The following EYS variants were observed in gnomAD, a reference collection of about 807,000 sequenced individuals.
EYS encodes protein eyes shut homolog.
A neutral mutation model predicts 282.1 loss-of-function variants in EYS; 250 were observed. The ratio of observed to expected loss-of-function variants is 0.89; its 90% CI spans 0.80 to 0.98. The LOEUF (loss-of-function observed/expected upper bound fraction) is 0.98, where lower values mean the gene tolerates loss of function less well. Among genes scored for constraint, EYS ranks in the 50% least tolerant of loss-of-function variants. EYS has a pLI of 0.00. For synonymous variants in EYS, 1,355 were observed against 1,282.9 expected (o/e 1.06, Z -1.20); for missense variants, 4,016 against 3,709.0 (o/e 1.08, Z -2.15).
At chr6:63,950,970 C>A (rs1412154540) in intron 35 of EYS, among the ~76,000 whole-genome samples, 1 of 152,132 alleles carries the variant, frequency 6.6e-6, no homozygotes, top group East Asian at 1.9e-4. Flanking sequence ...GGGATGCCTG[C>A]TTGATTATTC....
intron 29 of EYS, among the ~76,000 whole-genome samples, chr6:64,323,710 A>T (rs952713489): frequency 6.6e-6 from 1 of 152,112 alleles, no homozygotes; most frequent in Non-Finnish European, 1.5e-5. Flanking sequence ...AATTGAAAAC[A>T]TCCTAAATGT....
intron 12 of EYS, among the ~76,000 whole-genome samples, chr6:65,088,462 T>G (rs896453459): frequency 6.6e-6 from 1 of 152,218 alleles, no homozygotes; most frequent in African/African-American, 2.4e-5. Flanking sequence ...ACTCATGCTA[T>G]GCTTTAGCAA....
intron 31 of EYS, among the ~76,000 whole-genome samples, chr6:64,170,831 T>C (rs1034779459): frequency 5.9e-5 from 9 of 152,072 alleles, no homozygotes; most frequent in African/African-American, 1.7e-4. Context: ...GCATTTCACA[T>C]AGTACTTTCA....
intron 26 of EYS, among the ~76,000 whole-genome samples, chr6:64,518,419 G>C (rs893063049): frequency 6.6e-6 from 1 of 151,700 alleles, no homozygotes; most frequent in African/African-American, 2.4e-5. Context: ...CATACTCTGA[G>C]TCTATGTCTG....
chr6:64,439,434 TTTTCTC>T, intron 26 of EYS, 82 bp from the exon 27 acceptor site: 6 of 902,956 alleles, frequency 6.6e-6, no homozygotes, highest in Non-Finnish European at 9.6e-6. Flanking sequence ...ATAGCATATG[TTTTCTC>T]TAATGACTCA....
intron 34 of EYS, among the ~76,000 whole-genome samples, chr6:63,990,537 T>C (rs1294786998): frequency 6.6e-6 from 1 of 151,720 alleles, no homozygotes; most frequent in Non-Finnish European, 1.5e-5. Flanking sequence ...TTTTGTCTTT[T>C]CTGATCCAGG....
chr6:64,552,754 A>G (rs1313657347), intron 26 of EYS, among the ~76,000 whole-genome samples: 2 of 141,350 alleles, frequency 1.4e-5, no homozygotes, highest in African/African-American at 2.6e-5. Context: ...CACCATCTCT[A>G]CTAAACATAA....
intron 7 of EYS, among the ~76,000 whole-genome samples, chr6:65,391,291 T>C (rs1421264284): frequency 6.6e-6 from 1 of 152,024 alleles, no homozygotes; most frequent in Non-Finnish European, 1.5e-5. Flanking sequence ...GATGAGAAAA[T>C]GGCAACAATG....
chr6:63,840,053 T>C lies in EYS; in HGVS notation c.7228+24133A>G, dbSNP rs896393853. Among the ~76,000 whole-genome samples the C allele has an allele frequency of 5.0e-3, 743 of 149,596 alleles. 3 individuals are homozygous for C. Among genetic ancestry groups the C allele is most frequent in the Non-Finnish European group, 7.9e-3 (531 of 67,270 alleles). ...TTCAGCTCATTTGCCCATTTCTTTT[T>C]TTTTTTTTTTTTGAGACGGAGTCTC... On this transcript the variant is annotated intron_variant, in intron 36 of 42. Coordinates refer to ENST00000503581, the MANE Select transcript of EYS (RefSeq NM_001142800.2).
In EYS at chr6:64,494,517, T is replaced by C. The variant is rs571315005; in HGVS notation, c.5645-55165A>G. ...CAAGTTCCTAATATCTACTCCTTTC[T>C]CTCACACTTAGCACGTAATGACATC... On this transcript the variant is annotated intron_variant, in intron 26 of 42. Transcript: ENST00000503581. Among the ~76,000 whole-genome samples, 203 of 151,762 alleles carry C rather than the reference T, an allele frequency of 1.3e-3. 1 individual carries two copies. Among genetic ancestry groups the C allele is most frequent in the African/African-American group, 4.7e-3 (193 of 41,494 alleles).
chr6:64,554,763 T>C (rs1765187816), intron 26 of EYS, among the ~76,000 whole-genome samples: 1 of 151,706 alleles, frequency 6.6e-6, no homozygotes, highest in Non-Finnish European at 1.5e-5. Flanking sequence ...AAATGGACAA[T>C]ATATGAAAAA....
intron 12 of EYS, among the ~76,000 whole-genome samples, chr6:65,121,301 C>CTT (rs770816366): frequency 7.9e-5 from 12 of 152,132 alleles, no homozygotes; most frequent in Non-Finnish European, 1.5e-4. Flanking sequence ...GGGGATGAAA[C>CTT]TTATACAGTT....
chr6:64,424,913 A>C (rs1473504641), intron 28 of EYS, among the ~76,000 whole-genome samples: 1 of 152,190 alleles, frequency 6.6e-6, no homozygotes, highest in Non-Finnish European at 1.5e-5. Flanking sequence ...ACAGTTAAGG[A>C]GGATTTACCT....
chr6:63,833,026 C>T (rs1771690331), intron 36 of EYS, among the ~76,000 whole-genome samples: 1 of 152,128 alleles, frequency 6.6e-6, no homozygotes, highest in African/African-American at 2.4e-5. Flanking sequence ...GGCCTTCATG[C>T]TAAAAACTCT....
At position 65,331,307 on chromosome 6, in the gene EYS, A is replaced by G. The variant is rs552381317; in HGVS notation, c.1766+3673T>C. Reference sequence around the variant, plus strand: ...ATATTTCCATTTATTCAGTGTATATATAATTTTCTCTTTTTCATTGAGCTT... The same window carrying G: ...ATATTTCCATTTATTCAGTGTATATGTAATTTTCTCTTTTTCATTGAGCTT... On this transcript the variant is annotated intron_variant, in intron 11 of 42. Coordinates refer to ENST00000503581, the MANE Select transcript of EYS (RefSeq NM_001142800.2). The G allele has an allele frequency of 1.5e-5, 10 of 663,040 alleles. No individual in the cohort carries two copies. The East Asian group carries it at 1.3e-3, about 83-fold the overall frequency. The allele number at this position is 663,040 out of a possible 1,614,324, so 41.1% of individuals were successfully genotyped here.
At chr6:63,898,200 G>A (rs1367171378) in intron 35 of EYS, among the ~76,000 whole-genome samples, 2 of 152,082 alleles carry the variant, frequency 1.3e-5, no homozygotes, top group Non-Finnish European at 2.9e-5. Flanking sequence ...AAAATATTTT[G>A]AGTATTGGCT....
intron 26 of EYS, among the ~76,000 whole-genome samples, chr6:64,468,769 T>A (rs1035136627): frequency 6.6e-6 from 1 of 152,198 alleles, no homozygotes; most frequent in African/African-American, 2.4e-5. Flanking sequence ...GGTTTTCTGT[T>A]CCCGAGTTAG....
intron 29 of EYS, among the ~76,000 whole-genome samples, chr6:64,336,731 A>G (rs1770863889): frequency 6.6e-6 from 1 of 152,122 alleles, no homozygotes; most frequent in Non-Finnish European, 1.5e-5. Context: ...AGGTCATAAA[A>G]TGAGCCTCAA....
chr6:65,281,212 T>G (rs570234231), intron 12 of EYS, among the ~76,000 whole-genome samples: 1 of 152,044 alleles, frequency 6.6e-6, no homozygotes, highest in South Asian at 2.1e-4. Flanking sequence ...AACAATCACT[T>G]ATATTTTGTT....
Sources: allele counts gnomAD v4.1 joint callset (sites outside exome capture counted in the v4.1 genomes callset), GRCh38; gene constraint gnomAD v4.1.1; transcripts MANE v1.5; gene names NCBI Gene and HGNC (gene_info 2026-07-23, HGNC 2026-07-21).